GDA: variants seen among roughly 807,000 people sequenced by gnomAD.
GDA encodes the protein guanine deaminase.
A neutral mutation model predicts 59.6 loss-of-function variants in GDA; 18 were observed. The ratio of observed to expected loss-of-function variants is 0.30; its 90% confidence interval spans 0.21 to 0.45. GDA has a LOEUF of 0.45. Ranked by LOEUF, GDA falls within the 20% of genes least tolerant of loss-of-function variation. The probability of loss-of-function intolerance (pLI) is 1.00; values close to 1 mark genes in which losing one functional copy is unlikely to be tolerated. For missense variants in GDA, 427 were observed against 552.3 expected, an observed-to-expected ratio of 0.77 and a Z score of 2.27; for synonymous variants, 201 against 201.1, an observed-to-expected ratio of 1.00 and a Z score of 0.00.
rs151077852 is a variant in GDA at position 72,118,820 on chromosome 9, G to A, written c.-100+3987G>A. On this transcript the variant is annotated intron_variant, in intron 1 of 13. Coordinates refer to the GDA transcript ENST00000545168. ...GAATGCACTTCCTGTGGTCTTTCTGGTTTTCATTTTAACATTGCATGACAA... is the reference window on the plus strand; with the variant it reads ...GAATGCACTTCCTGTGGTCTTTCTGATTTTCATTTTAACATTGCATGACAA... Among the ~76,000 whole-genome samples the A allele has an allele frequency of 3.3e-3, 504 of 152,174 alleles. 3 individuals carry two copies. The highest frequency in any genetic ancestry group is 0.012 in the African/African-American group (489 of 41,512).
intron 1 of GDA, among the ~76,000 whole-genome samples, chr9:72,191,217 G>A (rs1832499870): frequency 6.6e-6 from 1 of 152,134 alleles, no homozygotes; most frequent in South Asian, 2.1e-4. Flanking sequence ...CCTTGGTAGG[G>A]GCACATTTGA....
At chr9:72,182,199 C>G (rs1831313974) in intron 1 of GDA, among the ~76,000 whole-genome samples, 2 of 152,122 alleles carry the variant, frequency 1.3e-5, no homozygotes, top group South Asian at 4.1e-4. Flanking sequence ...TCTGTAGACC[C>G]ATTCAAACTT....
chr9:72,245,140 C>A lies in GDA; in HGVS notation c.1136-8C>A. The A allele has an allele frequency of 6.2e-7, 1 of 1,612,914 alleles. No individual in the cohort carries two copies. Among genetic ancestry groups the A allele is most frequent in the South Asian group, 1.1e-5 (1 of 90,948 alleles). On this transcript the variant is annotated splice_region_variant and splice_polypyrimidine_tract_variant and intron_variant, in intron 11 of 13. Coordinates refer to ENST00000358399, the MANE Select transcript of GDA (RefSeq NM_004293.5). ...AATCCTGACTGTTTATTCACTTGTTCTCAATAGCCCTGGGGCTGGATGGTG... is the reference window on the plus strand; with the variant it reads ...AATCCTGACTGTTTATTCACTTGTTATCAATAGCCCTGGGGCTGGATGGTG...
At chr9:72,173,748 A>T (rs1169286023) in intron 1 of GDA, among the ~76,000 whole-genome samples, 1 of 152,202 alleles carries the variant, frequency 6.6e-6, no homozygotes, top group Non-Finnish European at 1.5e-5. Flanking sequence ...CTCTTTTGCC[A>T]TATAAGGTAA....
chr9:72,227,269 T>C (rs1171171860), intron 8 of GDA, among the ~76,000 whole-genome samples: 1 of 141,724 alleles, frequency 7.1e-6, no homozygotes, highest in Non-Finnish European at 1.6e-5. Context: ...ATTAAAAATT[T>C]AGAGAGGTCT....
At chr9:72,256,599 G>A (rs1230328302), downstream of GDA, among the ~76,000 whole-genome samples, 2 of 152,162 alleles carry the variant, frequency 1.3e-5, no homozygotes, top group East Asian at 1.9e-4. Context: ...AAGGTATTTC[G>A]AGTAGAGCGT....
chr9:72,199,504 G>A (rs188231025), intron 2 of GDA, among the ~76,000 whole-genome samples: 1 of 152,180 alleles, frequency 6.6e-6, no homozygotes, highest in Non-Finnish European at 1.5e-5. Flanking sequence ...TCTCCTACAT[G>A]AAAAACATAA....
At chr9:72,131,177 ACT>A (rs1826012572) in intron 1 of GDA, among the ~76,000 whole-genome samples, 1 of 152,078 alleles carries the variant, frequency 6.6e-6, no homozygotes, top group Non-Finnish European at 1.5e-5. Context: ...ACACCAAGAG[ACT>A]CTCATCTCTT....
At chr9:72,172,240 A>G (rs1054487702) in intron 1 of GDA, among the ~76,000 whole-genome samples, 3 of 150,692 alleles carry the variant, frequency 2.0e-5, no homozygotes, top group African/African-American at 2.4e-5. Context: ...ATATATATAT[A>G]TATAATAGTA....
At chr9:72,218,995 T>C (rs1370466061) in intron 5 of GDA, among the ~76,000 whole-genome samples, 1 of 152,224 alleles carries the variant, frequency 6.6e-6, no homozygotes, top group East Asian at 1.9e-4. Context: ...AAAAGCAGAG[T>C]AATTACTACT....
At chr9:72,209,680 C>T (rs1250491782) in intron 3 of GDA, among the ~76,000 whole-genome samples, 1 of 152,010 alleles carries the variant, frequency 6.6e-6, no homozygotes, top group East Asian at 1.9e-4. Flanking sequence ...TACTGTGATG[C>T]TATAAGGTGC....
chr9:72,214,059 A>T, intron 5 of GDA, 68 bp downstream of exon 5: 1 of 879,004 alleles, frequency 1.1e-6, no homozygotes, highest in Non-Finnish European at 1.9e-6. Context: ...GGAGTTAGAG[A>T]TGGAAAAAGG....
chr9:72,220,611 C>G (rs79900083), intron 6 of GDA, among the ~76,000 whole-genome samples: 8 of 152,064 alleles, frequency 5.3e-5, no homozygotes, highest in Non-Finnish European at 8.8e-5. Context: ...TCCTTACCCC[C>G]CTCTGGGATC....
chr9:72,160,761 G>C (rs571650724), intron 1 of GDA, among the ~76,000 whole-genome samples: 3 of 152,164 alleles, frequency 2.0e-5, no homozygotes, highest in East Asian at 1.9e-4. Context: ...TTGCCTAACC[G>C]TGTGATAAAC....
Position 72,175,892 on chromosome 9 carries a change from G to A in GDA, c.124-19608G>A, listed in dbSNP as rs150696423. Among the ~76,000 whole-genome samples the A allele has an allele frequency of 6.4e-3, 979 of 152,308 alleles. 6 individuals carry two copies. Among genetic ancestry groups the A allele is most frequent in the Non-Finnish European group, 0.011 (751 of 68,024 alleles). Reference sequence around the variant, plus strand: ...AATAACCAAAAAGCTGTGTGAGAAGGCTTCTTAAGACTGCAATGTAACCTC... The same window carrying A: ...AATAACCAAAAAGCTGTGTGAGAAGACTTCTTAAGACTGCAATGTAACCTC... On this transcript the variant is annotated intron_variant, in intron 1 of 13. Transcript: ENST00000358399.
chr9:72,175,005 C>T (rs528957028), intron 1 of GDA, among the ~76,000 whole-genome samples: 7 of 151,920 alleles, frequency 4.6e-5, no homozygotes, highest in South Asian at 4.2e-4. Context: ...CAGGTGGAGC[C>T]GAGAGAGCAA....
intron 5 of GDA, among the ~76,000 whole-genome samples, chr9:72,218,207 C>A (rs71505969): frequency 0.05 from 7,687 of 152,250 alleles, 257 homozygotes; most frequent in Middle Eastern, 0.14. Flanking sequence ...AGCCACTGCA[C>A]CTGGCCAAAA....
At chr9:72,137,032 TA>T (rs1826251751) in intron 1 of GDA, among the ~76,000 whole-genome samples, 1 of 151,872 alleles carries the variant, frequency 6.6e-6, no homozygotes, top group Non-Finnish European at 1.5e-5. Context: ...ATATGAATAT[TA>T]AAACTAACAA....
At chr9:72,143,947 C>T (rs770625344) in intron 1 of GDA, among the ~76,000 whole-genome samples, 4 of 152,142 alleles carry the variant, frequency 2.6e-5, no homozygotes, top group Non-Finnish European at 2.9e-5. Flanking sequence ...TCTGGCCAGA[C>T]GCAGTGGCTC....
Sources: allele counts gnomAD v4.1 joint callset (sites outside exome capture counted in the v4.1 genomes callset), GRCh38; gene constraint gnomAD v4.1.1; transcripts MANE v1.5; gene names NCBI Gene and HGNC (gene_info 2026-07-23, HGNC 2026-07-21).